The following TVP23A variants were observed in gnomAD, a reference collection of about 807,000 sequenced individuals.
TVP23A encodes trans-golgi network vesicle protein 23 homolog A.
TVP23A carries 21 observed loss-of-function variants against 31.7 expected under a neutral mutation model. The observed-to-expected ratio is 0.66, with a 90% CI of 0.47 to 0.95. The LOEUF (loss-of-function observed/expected upper bound fraction) is 0.95. Among genes scored for constraint, TVP23A ranks in the 40% least tolerant of loss-of-function variants. The pLI is 0.00. For synonymous variants in TVP23A, 104 were observed against 96.0 expected, an observed-to-expected ratio of 1.08 and a Z score of -0.49; for missense variants, 279 against 255.6, an observed-to-expected ratio of 1.09 and a Z score of -0.62.
chr16:10,811,799 C>G (rs8049609), intron 2 of TVP23A, among the ~76,000 whole-genome samples: 21,419 of 149,848 alleles, frequency 0.14, 4,429 homozygotes, highest in African/African-American at 0.45. Flanking sequence ...ATCTACTCGG[C>G]AGGCTGAGGC....
Position 10,768,400 on chromosome 16 carries a change from A to G in TVP23A, c.*702T>C, listed in dbSNP as rs1352859729. On this transcript the variant is annotated 3_prime_UTR_variant, in exon 8 of 8. Coordinates refer to ENST00000299866, the MANE Select transcript of TVP23A (RefSeq NM_001079512.4). This position sits in a 1 kb window ranked among gnomAD's most constrained non-coding sequence, Gnocchi z 4.3. The stretch of plus-strand genomic sequence containing the variant: ...GGCAGATCACTTGAGGCTGGTCAGG[A>G]GTTCAAGACCAGCCTGGCTAACATG... 1.8e-5 allele frequency: 3 copies of G among 169,068 alleles called. No homozygotes were observed. In the Admixed American group the frequency reaches 1.8e-4, roughly 10 times the overall value. 10.5% of individuals were successfully genotyped at this position (169,068 alleles called of 1,614,324 possible).
At chr16:10,781,226 G>A (rs1037876357) in intron 2 of TVP23A, among the ~76,000 whole-genome samples, 6 of 152,062 alleles carry the variant, frequency 3.9e-5, no homozygotes, top group African/African-American at 1.5e-4. Context: ...CTGCTCAGGA[G>A]GCTGAGACAG....
rs570891289 is a variant in TVP23A, at chr16:10,768,833, G to A, written c.*269C>T. On this transcript the variant is annotated 3_prime_UTR_variant, in exon 8 of 8. Transcript: ENST00000299866. The surrounding 1 kb of genome is among the most constrained non-coding windows in gnomAD (Gnocchi z 4.3). ...AGAATCCTCCATCTATAGATGGTCC[G>A]AGGAAGGCCGCAGCCACTGGTTATG... 10 of 513,030 alleles carry A rather than the reference G, an allele frequency of 1.9e-5. No homozygotes were observed. Among genetic ancestry groups the A allele is most frequent in the South Asian group, 1.5e-4 (5 of 32,810 alleles). The allele number at this position is 513,030 out of a possible 1,614,324, so 31.8% of individuals were successfully genotyped here.
intron 2 of TVP23A, among the ~76,000 whole-genome samples, chr16:10,784,547 C>A (rs560197149): frequency 1.2e-3 from 172 of 147,806 alleles, no homozygotes; most frequent in Non-Finnish European, 1.7e-3. Context: ...GGCAACAGAG[C>A]AAGACCTTGT....
intron 2 of TVP23A, among the ~76,000 whole-genome samples, chr16:10,817,146 G>C (rs1328442694): frequency 1.3e-5 from 2 of 152,186 alleles, no homozygotes; most frequent in Non-Finnish European, 2.9e-5. Flanking sequence ...TTTCAGCCCA[G>C]GAACACTGAC....
In TVP23A at chr16:10,769,035, C is replaced by CTTT; in HGVS notation, c.*66_*67insAAA. 1 of 1,613,974 alleles carries CTTT rather than the reference C, an allele frequency of 6.2e-7. No individual in the cohort carries two copies. The highest frequency in any genetic ancestry group is 8.5e-7 in the Non-Finnish European group (1 of 1,179,844). ...GCCATTAGCACTCTATGCCTGTCGT[C>CTTT]TTGTTTTCCAGGAATCCAAGAGTTT... On this transcript the variant is annotated 3_prime_UTR_variant, in exon 8 of 8. Transcript: ENST00000299866.
Position 10,779,274 on chromosome 16 carries a change from C to T in TVP23A, c.90-4178G>A, listed in dbSNP as rs1427453677. Reference sequence around the variant, plus strand: ...TTAATCCTATTTTATGCAGGTTGCTCCATCAGCATCCTCCAAGTCCTCATT... The same window carrying T: ...TTAATCCTATTTTATGCAGGTTGCTTCATCAGCATCCTCCAAGTCCTCATT... On this transcript the variant is annotated intron_variant, in intron 2 of 7. Transcript: ENST00000299866. This position sits in a 1 kb window ranked among gnomAD's most constrained non-coding sequence, Gnocchi z 4.9. Among the ~76,000 whole-genome samples the T allele has an allele frequency of 6.6e-6, 1 of 152,210 alleles. No homozygotes were observed. Among genetic ancestry groups the T allele is most frequent in the Non-Finnish European group, 1.5e-5 (1 of 68,036 alleles).
chr16:10,810,897 T>C (rs2034167183), intron 2 of TVP23A, among the ~76,000 whole-genome samples: 1 of 152,210 alleles, frequency 6.6e-6, no homozygotes, highest in African/African-American at 2.4e-5. Context: ...GGATGGCAGA[T>C]CGTGGGACTT....
At chr16:10,787,212 G>A (rs917633692) in intron 2 of TVP23A, among the ~76,000 whole-genome samples, 2 of 152,170 alleles carry the variant, frequency 1.3e-5, no homozygotes, top group African/African-American at 2.4e-5. Context: ...TTTTGATATA[G>A]GAGTTAAGAA....
At chr16:10,796,948 G>A (rs2033422220) in intron 2 of TVP23A, among the ~76,000 whole-genome samples, 1 of 152,124 alleles carries the variant, frequency 6.6e-6, no homozygotes, top group Non-Finnish European at 1.5e-5. Flanking sequence ...CATGAACCTT[G>A]GGAGGCTGAG....
chr16:10,782,206 C>A (rs896908458), intron 2 of TVP23A, among the ~76,000 whole-genome samples: 1 of 152,058 alleles, frequency 6.6e-6, no homozygotes, highest in African/African-American at 2.4e-5. Context: ...AGACCCTCAG[C>A]TGATACAAAA....
intron 2 of TVP23A, among the ~76,000 whole-genome samples, chr16:10,795,061 G>C (rs1433476242): frequency 6.6e-6 from 1 of 152,050 alleles, no homozygotes; most frequent in African/African-American, 2.4e-5. Flanking sequence ...AGGGACATTG[G>C]AACACCCCAG....
chr16:10,757,970 C>T (rs567909347), downstream of TVP23A: 40 of 1,614,112 alleles, frequency 2.5e-5, no homozygotes, highest in African/African-American at 8.0e-5. This position sits in a 1 kb window ranked among gnomAD's most constrained non-coding sequence, Gnocchi z 4.1. Context: ...ACCTCTCGGT[C>T]GTCCGGTACC....
At chr16:10,762,883 G>A (rs1464054045), downstream of TVP23A, among the ~76,000 whole-genome samples, 1 of 147,980 alleles carries the variant, frequency 6.8e-6, no homozygotes, top group Admixed American at 6.7e-5. Context: ...GGGAGCCTTG[G>A]GGAAGGGCTG....
intron 2 of TVP23A, among the ~76,000 whole-genome samples, chr16:10,784,237 G>A (rs2032598456): frequency 6.6e-6 from 1 of 151,850 alleles, no homozygotes; most frequent in Admixed American, 6.6e-5. Context: ...GATGAGGAAG[G>A]AGAATTGCCT....
At chr16:10,814,516 G>A (rs1019669096) in intron 2 of TVP23A, among the ~76,000 whole-genome samples, 6 of 152,014 alleles carry the variant, frequency 3.9e-5, no homozygotes, top group Non-Finnish European at 7.4e-5. Context: ...CCTCCCCTGT[G>A]CCTCTGGGCC....
In TVP23A at chr16:10,789,665, TAAAAAAA is replaced by T. The variant is rs969812242; in HGVS notation, c.90-14576_90-14570del. On this transcript the variant is annotated intron_variant, in intron 2 of 7. Coordinates refer to ENST00000299866, the MANE Select transcript of TVP23A (RefSeq NM_001079512.4). Reference sequence around the variant, plus strand: ...TCAACACGTGAAACCCCATCTCTACTAAAAAAAAAAAAAAAAAAAAAAAGCCAGGCGT... The same window carrying T: ...TCAACACGTGAAACCCCATCTCTACTAAAAAAAAAAAAAAAAGCCAGGCGT... 1.3e-4 allele frequency among the ~76,000 whole-genome samples: 7 copies of T among 55,410 alleles called. No homozygotes were observed. In the Middle Eastern group the frequency reaches 0.03, roughly 237 times the overall value. The allele number at this position is 55,410 out of a possible 152,430, so 36.4% of individuals were successfully genotyped here.
At chr16:10,799,425 C>T (rs1346839281) in intron 2 of TVP23A, among the ~76,000 whole-genome samples, 1 of 152,146 alleles carries the variant, frequency 6.6e-6, no homozygotes, top group Non-Finnish European at 1.5e-5. Context: ...CCTCCGACTC[C>T]CAGGTTCAAA....
chr16:10,800,565 T>C (rs2033647126), intron 2 of TVP23A, among the ~76,000 whole-genome samples: 1 of 152,200 alleles, frequency 6.6e-6, no homozygotes, highest in South Asian at 2.1e-4. Flanking sequence ...GGTTATTTAA[T>C]GGGAGAATTG....
Sources: gnomAD v4.1 joint callset for allele counts (sites outside exome capture counted in the v4.1 genomes callset) on GRCh38, gnomAD v4.1.1 for gene constraint, Gnocchi (gnomAD v3.1) non-coding constraint, MANE v1.5 for transcripts, NCBI Gene and HGNC (gene_info 2026-07-23, HGNC 2026-07-21) for gene names.